The following EPHB1 variants were observed in gnomAD, a reference collection of about 807,000 sequenced individuals.
EPHB1 encodes EPH receptor B1.
A neutral mutation model predicts 94.4 loss-of-function variants in EPHB1; 30 were observed. The observed-to-expected ratio is 0.32, with a 90% CI of 0.24 to 0.43. The LOEUF is 0.43. Ranked by LOEUF, EPHB1 falls within the 20% of genes least tolerant of loss-of-function variation. The pLI is 1.00. For missense variants in EPHB1, 1,055 were observed against 1,308.3 expected (o/e 0.81, Z 2.99); for synonymous variants, 522 against 489.1 (o/e 1.07, Z -0.89).
chr3:135,030,687 G>T (rs1379387172), intron 3 of EPHB1, among the ~76,000 whole-genome samples: 2 of 152,208 alleles, frequency 1.3e-5, no homozygotes, highest in Non-Finnish European at 2.9e-5. Context: ...GTTTGTCTGT[G>T]CCCTGCCCCC....
chr3:135,048,031 C>T (rs961318413), intron 3 of EPHB1, among the ~76,000 whole-genome samples: 8 of 151,936 alleles, frequency 5.3e-5, no homozygotes, highest in Non-Finnish European at 7.4e-5. Context: ...AGATATTGAC[C>T]ACACTGGCAA....
intron 3 of EPHB1, among the ~76,000 whole-genome samples, chr3:135,023,518 G>A (rs959682859): frequency 5.9e-5 from 9 of 152,060 alleles, no homozygotes; most frequent in African/African-American, 1.7e-4. Context: ...TGCCAGAATC[G>A]CCCCCTGTTG....
chr3:134,807,068 A>G (rs932955967), intron 1 of EPHB1, among the ~76,000 whole-genome samples: 1 of 152,160 alleles, frequency 6.6e-6, no homozygotes, highest in Non-Finnish European at 1.5e-5. Flanking sequence ...ACCGAGATGG[A>G]ATAGGCTGCC....
chr3:135,239,514 T>C (rs930348798), intron 12 of EPHB1, among the ~76,000 whole-genome samples: 4 of 152,068 alleles, frequency 2.6e-5, no homozygotes, highest in Non-Finnish European at 5.9e-5. Flanking sequence ...CCACGTAGTA[T>C]GGAGAGAGAC....
At chr3:134,829,713 T>C (rs2036545404) in intron 1 of EPHB1, among the ~76,000 whole-genome samples, 1 of 151,982 alleles carries the variant, frequency 6.6e-6, no homozygotes, top group South Asian at 2.1e-4. Context: ...GGAAATAGGG[T>C]CTGTGCAGAA....
At chr3:134,864,005 G>T (rs73214889) in intron 1 of EPHB1, among the ~76,000 whole-genome samples, 9,031 of 152,238 alleles carry the variant, frequency 0.059, 279 homozygotes, top group South Asian at 0.11. Context: ...CAGCATACCC[G>T]CTGGTGTCAG....
At chr3:135,219,978 A>C (rs975590342) in intron 12 of EPHB1, among the ~76,000 whole-genome samples, 4 of 152,232 alleles carry the variant, frequency 2.6e-5, no homozygotes, top group Non-Finnish European at 5.9e-5. Context: ...ATGTTTATCC[A>C]GGTAAGGGTA....
intron 12 of EPHB1, among the ~76,000 whole-genome samples, chr3:135,230,291 C>T (rs1053038749): frequency 6.6e-6 from 1 of 152,124 alleles, no homozygotes; most frequent in African/African-American, 2.4e-5. Flanking sequence ...TCCCCACCTG[C>T]CTTGGAGGAG....
rs143156904 is a variant in EPHB1, at chr3:134,935,894, C to T, written c.123+10014C>T. 1.5e-3 allele frequency among the ~76,000 whole-genome samples: 224 copies of T among 152,320 alleles called. 2 individuals carry two copies. The highest frequency in any genetic ancestry group is 2.6e-3 in the Non-Finnish European group (175 of 68,028). On this transcript the variant is annotated intron_variant, in intron 2 of 15. Coordinates refer to ENST00000398015, the MANE Select transcript of EPHB1 (RefSeq NM_004441.5). ...TACCAACTGTGTGCCAGGCATCAAG[C>T]TTTACTTGTATGACCTCACTTCTCA...
At chr3:135,109,136 G>A (rs1306757581) in intron 4 of EPHB1, among the ~76,000 whole-genome samples, 2 of 152,176 alleles carry the variant, frequency 1.3e-5, no homozygotes, top group African/African-American at 4.8e-5. Context: ...AGTGCTCCCT[G>A]AGGCACTGCC....
intron 3 of EPHB1, among the ~76,000 whole-genome samples, chr3:135,103,360 T>C (rs1307138593): frequency 1.3e-5 from 2 of 152,168 alleles, no homozygotes; most frequent in African/African-American, 2.4e-5. Context: ...AACACATTCT[T>C]CCATTGGGTT....
intron 5 of EPHB1, 100 bp from the exon 6 acceptor site, chr3:135,154,052 A>G: frequency 6.6e-7 from 1 of 1,518,604 alleles, no homozygotes; most frequent in Non-Finnish European, 9.0e-7. Context: ...AGCAGAGTTC[A>G]AGCCGAATGC....
intron 12 of EPHB1, among the ~76,000 whole-genome samples, chr3:135,224,482 A>T (rs1943348458): frequency 6.6e-6 from 1 of 152,178 alleles, no homozygotes; most frequent in Non-Finnish European, 1.5e-5. Context: ...TATTGGTATT[A>T]TTACTTTTGA....
At position 134,919,106 on chromosome 3, in the gene EPHB1, C is replaced by G. The variant is rs1578196863; in HGVS notation, c.59-6710C>G. On this transcript the variant is annotated intron_variant, in intron 1 of 15. Transcript: ENST00000398015. ...GGTGCTGATAATGAAAAGGAATACG[C>G]ATCTGAAAAAGATGCTGTAAAGGAA... Among the ~76,000 whole-genome samples, 5 of 152,252 alleles carry G rather than the reference C, an allele frequency of 3.3e-5. No homozygotes were observed. In the South Asian group the frequency reaches 1.0e-3, roughly 32 times the overall value.
At chr3:135,177,303 C>G (rs1273922464) in intron 9 of EPHB1, among the ~76,000 whole-genome samples, 2 of 152,182 alleles carry the variant, frequency 1.3e-5, no homozygotes, top group Non-Finnish European at 2.9e-5. Context: ...TGGGAGAAGT[C>G]ATAGCTTGTT....
At chr3:134,813,041 G>T (rs974399608) in intron 1 of EPHB1, among the ~76,000 whole-genome samples, 1 of 152,186 alleles carries the variant, frequency 6.6e-6, no homozygotes, top group African/African-American at 2.4e-5. Context: ...GTTGTGCCGA[G>T]AAGACATAAT....
chr3:134,861,299 A>G (rs1647613659), intron 1 of EPHB1, among the ~76,000 whole-genome samples: 2 of 152,236 alleles, frequency 1.3e-5, no homozygotes, highest in African/African-American at 4.8e-5. Flanking sequence ...GCAGCTGAGT[A>G]CATTACATCA....
rs572201781 is a variant in EPHB1, at chr3:134,804,071, A to ATTTTTTTTTTTTTTTTTT, written c.58+8400_58+8417dup. Among the ~76,000 whole-genome samples the ATTTTTTTTTTTTTTTTTT allele has an allele frequency of 4.6e-5, 2 of 43,750 alleles. 1 individual carries two copies. Among genetic ancestry groups the ATTTTTTTTTTTTTTTTTT allele is most frequent in the Non-Finnish European group, 8.1e-5 (2 of 24,584 alleles). The allele number at this position is 43,750 out of a possible 152,430, so 28.7% of individuals were successfully genotyped here. On this transcript the variant is annotated intron_variant, in intron 1 of 15. Coordinates refer to ENST00000398015, the MANE Select transcript of EPHB1 (RefSeq NM_004441.5). Reference sequence around the variant, plus strand: ...ACCCCCACTGTGGTCATTATTGGCTATTTTTTTTTTTTTTTTTTTTTTTTT... The same window carrying ATTTTTTTTTTTTTTTTTT: ...ACCCCCACTGTGGTCATTATTGGCTATTTTTTTTTTTTTTTTTTTTTTTTTTTTTTTTTTTTTTTTTTT...
chr3:134,860,856 T>C (rs1413806442), intron 1 of EPHB1, among the ~76,000 whole-genome samples: 1 of 146,220 alleles, frequency 6.8e-6, no homozygotes, highest in Non-Finnish European at 1.5e-5. Context: ...CATTAGAGCA[T>C]CTCATGAGTC....
Sources: gnomAD v4.1 joint callset for allele counts (sites outside exome capture counted in the v4.1 genomes callset) on GRCh38, gnomAD v4.1.1 for gene constraint, MANE v1.5 for transcripts, NCBI Gene and HGNC (gene_info 2026-07-23, HGNC 2026-07-21) for gene names.